Variants in BCKDHB observed in about 807,000 individuals in gnomAD.
BCKDHB encodes the protein branched chain keto acid dehydrogenase E1 subunit beta.
Under a neutral mutation model 48.5 loss-of-function variants are expected in BCKDHB, and 41 were observed. That is an observed-to-expected ratio of 0.85 (90% confidence interval 0.66 to 1.10). The LOEUF (loss-of-function observed/expected upper bound fraction) is 1.10. Ranked by LOEUF, BCKDHB falls within the 50% of genes least tolerant of loss-of-function variation. The pLI is 0.00. For synonymous variants in BCKDHB, 201 were observed against 174.8 expected (o/e 1.15, Z -1.18); for missense variants, 496 against 494.2 (o/e 1.00, Z -0.03).
the BCKDHB span, among the ~76,000 whole-genome samples, chr6:80,405,618 G>C: frequency 8.5e-6 from 1 of 117,564 alleles, no homozygotes; most frequent in Non-Finnish European, 1.9e-5. Context: ...TTCTTTTCTT[G>C]CTGTCTTGAT....
chr6:80,384,565 G>A, the BCKDHB span, among the ~76,000 whole-genome samples: 577 of 152,036 alleles, frequency 3.8e-3, 7 homozygotes, highest in African/African-American at 0.013. Context: ...CACCATGTTG[G>A]CCACGCTGGT....
At chr6:80,160,378 G>A (rs1350642259) in intron 3 of BCKDHB, among the ~76,000 whole-genome samples, 2 of 151,984 alleles carry the variant, frequency 1.3e-5, no homozygotes, top group African/African-American at 4.8e-5. Context: ...GGCTGGTTTC[G>A]AACTCCTGGC....
intron 8 of BCKDHB, among the ~76,000 whole-genome samples, chr6:80,206,408 C>G (rs190808686): frequency 6.4e-4 from 97 of 151,936 alleles, no homozygotes; most frequent in African/African-American, 2.3e-3. Context: ...GGGAAAGAAA[C>G]AATAAAAAGC....
chr6:80,197,960 AT>A (rs1774209356), intron 6 of BCKDHB, among the ~76,000 whole-genome samples: 1 of 151,476 alleles, frequency 6.6e-6, no homozygotes, highest in Non-Finnish European at 1.5e-5. Context: ...CCATCCATCC[AT>A]CCATCCATCC....
intron 9 of BCKDHB, among the ~76,000 whole-genome samples, chr6:80,316,346 G>C (rs1768442547): frequency 6.6e-6 from 1 of 151,296 alleles, no homozygotes; most frequent in Non-Finnish European, 1.5e-5. Context: ...ATCATTATGA[G>C]ACAAAATATT....
intron 9 of BCKDHB, among the ~76,000 whole-genome samples, chr6:80,308,142 A>G (rs1562219545): frequency 6.6e-6 from 1 of 151,546 alleles, no homozygotes; most frequent in African/African-American, 2.4e-5. Flanking sequence ...AGCAGTGGCT[A>G]TTTTTTTTCA....
intron 8 of BCKDHB, among the ~76,000 whole-genome samples, chr6:80,269,564 C>T (rs1258166614): frequency 1.3e-5 from 2 of 151,916 alleles, no homozygotes; most frequent in Non-Finnish European, 2.9e-5. Context: ...TGCCATAGCC[C>T]GGAATCCAGG....
chr6:80,206,609 C>CA (rs1468544424), intron 8 of BCKDHB, among the ~76,000 whole-genome samples: 2 of 150,818 alleles, frequency 1.3e-5, no homozygotes, highest in Non-Finnish European at 3.0e-5. Flanking sequence ...GTGGAGCCAT[C>CA]AGAGAAATAT....
chr6:80,230,869 C>CT (rs1254839058), intron 8 of BCKDHB, among the ~76,000 whole-genome samples: 1 of 152,166 alleles, frequency 6.6e-6, no homozygotes, highest in Non-Finnish European at 1.5e-5. Context: ...GTCATGAGAG[C>CT]TTCATTCATG....
At chr6:80,418,053 T>G in the BCKDHB span, among the ~76,000 whole-genome samples, 1 of 152,172 alleles carries the variant, frequency 6.6e-6, no homozygotes, top group African/African-American at 2.4e-5. Flanking sequence ...TTTCTTTTTT[T>G]GTCTCACTAT....
the BCKDHB span, among the ~76,000 whole-genome samples, chr6:80,429,782 G>C: frequency 6.6e-6 from 1 of 151,018 alleles, no homozygotes; most frequent in Admixed American, 6.6e-5. Context: ...CTGAGTGGTG[G>C]GGAAATATAT....
intron 9 of BCKDHB, among the ~76,000 whole-genome samples, chr6:80,277,791 A>G (rs1232757524): frequency 6.6e-6 from 1 of 152,050 alleles, no homozygotes; most frequent in Non-Finnish European, 1.5e-5. Context: ...ATAAGAACTC[A>G]GAAACTGTGG....
At chr6:80,310,930 C>G (rs1254035496) in intron 9 of BCKDHB, among the ~76,000 whole-genome samples, 1 of 152,120 alleles carries the variant, frequency 6.6e-6, no homozygotes, top group Non-Finnish European at 1.5e-5. Flanking sequence ...ATGTCCTTTG[C>G]CCACTTTTTA....
the BCKDHB span, among the ~76,000 whole-genome samples, chr6:80,420,413 G>A: frequency 1.3e-5 from 2 of 152,160 alleles, no homozygotes; most frequent in African/African-American, 4.8e-5. Context: ...AGGATTGTGT[G>A]CTTTCTCCAG....
At chr6:80,187,411 C>T (rs1164836426) in intron 6 of BCKDHB, among the ~76,000 whole-genome samples, 4 of 151,992 alleles carry the variant, frequency 2.6e-5, no homozygotes, top group Non-Finnish European at 5.9e-5. Flanking sequence ...GGCATGAGAA[C>T]TAATTAGAAG....
chr6:80,396,284 C>T, the BCKDHB span, among the ~76,000 whole-genome samples: 8 of 152,356 alleles, frequency 5.3e-5, no homozygotes, highest in South Asian at 8.3e-4. Flanking sequence ...CCTGCAAAGC[C>T]ACAGGGCTGG....
intron 6 of BCKDHB, among the ~76,000 whole-genome samples, chr6:80,194,430 C>T (rs549277440): frequency 2.6e-4 from 39 of 152,282 alleles, no homozygotes; most frequent in Admixed American, 1.2e-3. Context: ...ATTCCAATTT[C>T]GTTAATTGCC....
the BCKDHB span, among the ~76,000 whole-genome samples, chr6:80,441,924 T>A: frequency 6.6e-6 from 1 of 152,108 alleles, no homozygotes; most frequent in Non-Finnish European, 1.5e-5. Flanking sequence ...ACATAAACAA[T>A]TATTCAATTA....
rs185185521 is a variant in BCKDHB at position 80,237,449 on chromosome 6, A to G, written c.951+34237A>G. Among the ~76,000 whole-genome samples the G allele has an allele frequency of 5.0e-4, 76 of 152,356 alleles. 1 individual carries two copies. The highest frequency in any genetic ancestry group is 3.4e-3 in the Middle Eastern group (1 of 294). The stretch of plus-strand genomic sequence containing the variant: ...GTGATTTCTAGTGAAACTTATGATC[A>G]TTAATACCAGTGGTTGCGAAAAAAT... On this transcript the variant is annotated intron_variant, in intron 8 of 9. Coordinates refer to ENST00000320393, the MANE Select transcript of BCKDHB (RefSeq NM_183050.4).
Sources: allele counts gnomAD v4.1 joint callset (sites outside exome capture counted in the v4.1 genomes callset), GRCh38; gene constraint gnomAD v4.1.1; transcripts MANE v1.5; gene names NCBI Gene and HGNC (gene_info 2026-07-23, HGNC 2026-07-21).